CHCHD3: variants seen among roughly 807,000 people sequenced by gnomAD.
CHCHD3 encodes the protein MICOS complex subunit MIC19.
CHCHD3 carries 20 observed loss-of-function variants against 38.2 expected under a neutral mutation model. That is an observed-to-expected ratio of 0.52 (90% CI 0.37 to 0.76). CHCHD3 has a LOEUF of 0.76. CHCHD3 is among the 30% of genes least tolerant of loss of function. The pLI, the probability that CHCHD3 is intolerant of heterozygous loss-of-function variation, is 0.00. For missense variants in CHCHD3, 245 were observed against 279.2 expected (o/e 0.88, Z 0.87); for synonymous variants, 82 against 100.0 (o/e 0.82, Z 1.07).
At chr7:132,955,173 G>GGTGTGTGTGTGT (rs3050414) in intron 4 of CHCHD3, among the ~76,000 whole-genome samples, 11,583 of 126,152 alleles carry the variant, frequency 0.092, 713 homozygotes, top group Non-Finnish European at 0.11. Flanking sequence ...TCCCTCAGAG[G>GGTGTGTGTGTGT]GTGTGTGTGT....
intron 3 of CHCHD3, among the ~76,000 whole-genome samples, chr7:132,994,049 T>C (rs1336060827): frequency 1.3e-5 from 2 of 152,194 alleles, no homozygotes; most frequent in East Asian, 1.9e-4. Context: ...AAGTGCAAGA[T>C]AGGGCAATCT....
chr7:132,821,271 T>C (rs981385738), intron 6 of CHCHD3, among the ~76,000 whole-genome samples: 6 of 152,194 alleles, frequency 3.9e-5, no homozygotes, highest in African/African-American at 1.4e-4. Context: ...TAAATGGACC[T>C]CATTTAATTC....
intron 4 of CHCHD3, among the ~76,000 whole-genome samples, chr7:132,895,666 A>G (rs1239725437): frequency 6.6e-6 from 1 of 152,230 alleles, no homozygotes; most frequent in Non-Finnish European, 1.5e-5. Context: ...TTGTTTTATA[A>G]AGGGGAATTC....
intron 1 of CHCHD3, among the ~76,000 whole-genome samples, chr7:133,081,453 T>A (rs1815168772): frequency 6.6e-6 from 1 of 151,998 alleles, no homozygotes; most frequent in South Asian, 2.1e-4. Flanking sequence ...AAATGCCAAT[T>A]CACCCTGGGA....
At chr7:133,074,709 A>G (rs1369981079) in intron 1 of CHCHD3, among the ~76,000 whole-genome samples, 1 of 152,368 alleles carries the variant, frequency 6.6e-6, no homozygotes, top group East Asian at 1.9e-4. Context: ...CATTTTTAGA[A>G]TCTTAAAGCT....
chr7:133,055,994 A>C (rs1303743190), intron 2 of CHCHD3, among the ~76,000 whole-genome samples: 1 of 152,094 alleles, frequency 6.6e-6, no homozygotes, highest in African/African-American at 2.4e-5. Flanking sequence ...AAAAGAAAAA[A>C]GTCTGCCAAA....
chr7:132,821,065 A>C (rs1290387644), intron 6 of CHCHD3, among the ~76,000 whole-genome samples: 3 of 152,346 alleles, frequency 2.0e-5, no homozygotes, highest in East Asian at 3.9e-4. Flanking sequence ...CTTTAAACAC[A>C]TGCTTTTAAG....
intron 6 of CHCHD3, among the ~76,000 whole-genome samples, chr7:132,824,314 C>CTTTTTTTTTTTTTTTTTTTTTTTTT (rs57262694): frequency 2.2e-5 from 2 of 90,090 alleles, no homozygotes; most frequent in African/African-American, 8.5e-5. Context: ...TAGTAGAACT[C>CTTTTTTTTTTTTTTTTTTTTTTTTT]TTTTTTTTTT....
intron 4 of CHCHD3, among the ~76,000 whole-genome samples, chr7:132,895,519 C>A (rs960964047): frequency 2.0e-5 from 3 of 152,250 alleles, no homozygotes; most frequent in Non-Finnish European, 4.4e-5. Flanking sequence ...TGTGTCCCCA[C>A]CTAAATCTCA....
At chr7:133,007,111 A>G (rs1430750342) in intron 3 of CHCHD3, among the ~76,000 whole-genome samples, 2 of 152,214 alleles carry the variant, frequency 1.3e-5, no homozygotes, top group African/African-American at 4.8e-5. Flanking sequence ...TTTTGTAACT[A>G]GAAAAAAATA....
intron 6 of CHCHD3, among the ~76,000 whole-genome samples, chr7:132,826,127 G>A (rs994544300): frequency 6.6e-6 from 1 of 152,190 alleles, no homozygotes; most frequent in African/African-American, 2.4e-5. Context: ...GGACTTCAGA[G>A]TCTGCATAGA....
intron 6 of CHCHD3, among the ~76,000 whole-genome samples, chr7:132,808,074 G>A (rs2117046706): frequency 6.6e-6 from 1 of 152,220 alleles, no homozygotes; most frequent in Non-Finnish European, 1.5e-5. Flanking sequence ...ATGTAAGCTG[G>A]GAAACAATTC....
chr7:132,904,819 T>C (rs1476393435), intron 4 of CHCHD3, among the ~76,000 whole-genome samples: 1 of 152,104 alleles, frequency 6.6e-6, no homozygotes, highest in Non-Finnish European at 1.5e-5. Flanking sequence ...CTATTCACAA[T>C]AGCAAAAATT....
intron 6 of CHCHD3, among the ~76,000 whole-genome samples, chr7:132,832,631 C>T (rs1210091333): frequency 6.6e-6 from 1 of 152,146 alleles, no homozygotes; most frequent in Non-Finnish European, 1.5e-5. Context: ...TTTACCATGC[C>T]TATATTGCCT....
chr7:133,057,181 T>C (rs1259027414), intron 2 of CHCHD3, among the ~76,000 whole-genome samples: 2 of 152,168 alleles, frequency 1.3e-5, no homozygotes, highest in African/African-American at 4.8e-5. Context: ...GGGCTGGGAA[T>C]AGGGAGGTGT....
intron 2 of CHCHD3, among the ~76,000 whole-genome samples, chr7:133,053,476 T>G (rs1467535509): frequency 2.0e-5 from 3 of 152,198 alleles, no homozygotes; most frequent in Non-Finnish European, 4.4e-5. Flanking sequence ...TGAGCAACAC[T>G]CTGCTAGTCA....
chr7:132,832,363 T>A (rs1450265285), intron 6 of CHCHD3, among the ~76,000 whole-genome samples: 1 of 152,208 alleles, frequency 6.6e-6, no homozygotes, highest in Non-Finnish European at 1.5e-5. Flanking sequence ...TTACTGGTAT[T>A]CACTTCCAAG....
At chr7:132,967,827 CA>C (rs11290365) in intron 4 of CHCHD3, among the ~76,000 whole-genome samples, 86,499 of 127,858 alleles carry the variant, frequency 0.68, 27,746 homozygotes, top group Admixed American at 0.73. Context: ...GACCCTGTCT[CA>C]AAAAAAAAAA....
intron 2 of CHCHD3, among the ~76,000 whole-genome samples, chr7:133,041,797 C>A (rs905857017): frequency 3.3e-5 from 5 of 152,174 alleles, no homozygotes; most frequent in African/African-American, 1.2e-4. Context: ...CTGGCTGTCC[C>A]CATCTAAGAA....
Sources: allele counts gnomAD v4.1 joint callset (sites outside exome capture counted in the v4.1 genomes callset), GRCh38; gene constraint gnomAD v4.1.1; transcripts MANE v1.5; gene names NCBI Gene and HGNC (gene_info 2026-07-23, HGNC 2026-07-21).